The following ADARB2 variants were observed in gnomAD, a reference collection of about 807,000 sequenced individuals.
The protein encoded by ADARB2 is inactive double-stranded RNA-specific editase B2.
In ADARB2, 25 loss-of-function variants were observed where a neutral mutation model predicts 62.2. The ratio of observed to expected loss-of-function variants is 0.40; its 90% CI spans 0.29 to 0.56. The LOEUF is 0.56. Ranked by LOEUF, ADARB2 falls within the 20% of genes least tolerant of loss-of-function variation. The pLI, the probability that ADARB2 is intolerant of heterozygous loss-of-function variation, is 0.43. For missense variants in ADARB2, 1,071 were observed against 1,077.4 expected (o/e 0.99, Z 0.08); for synonymous variants, 572 against 500.8 (o/e 1.14, Z -1.90).
intron 1 of ADARB2, among the ~76,000 whole-genome samples, chr10:1,634,107 G>A (rs1427688393): frequency 6.6e-6 from 1 of 152,082 alleles, no homozygotes; most frequent in Non-Finnish European, 1.5e-5. Context: ...CCTGCCCTCT[G>A]CGCCTGTCCC....
chr10:1,732,492 G>C (rs958732305), intron 1 of ADARB2, among the ~76,000 whole-genome samples: 7 of 152,092 alleles, frequency 4.6e-5, no homozygotes, highest in South Asian at 2.1e-4. Context: ...TCCAATTACT[G>C]TTATTACATG....
chr10:1,499,337 C>G (rs111170558), intron 1 of ADARB2, among the ~76,000 whole-genome samples: 25,182 of 151,226 alleles, frequency 0.17, 2,780 homozygotes, highest in Non-Finnish European at 0.25. Context: ...CTGAATTAAC[C>G]ATTCAGTCAT....
At chr10:1,659,473 A>G (rs1323614057) in intron 1 of ADARB2, among the ~76,000 whole-genome samples, 1 of 152,260 alleles carries the variant, frequency 6.6e-6, no homozygotes, top group African/African-American at 2.4e-5. Context: ...CGATTCAGAC[A>G]GTGGGAGCGG....
At chr10:1,185,936 A>T (rs927691359) in intron 8 of ADARB2, among the ~76,000 whole-genome samples, 24 of 152,152 alleles carry the variant, frequency 1.6e-4, no homozygotes, top group Non-Finnish European at 2.5e-4. Flanking sequence ...TCTGGCTTCT[A>T]ACTGTGGCCC....
At chr10:1,297,716 C>T (rs534155903) in intron 3 of ADARB2, among the ~76,000 whole-genome samples, 14 of 152,304 alleles carry the variant, frequency 9.2e-5, no homozygotes, top group African/African-American at 2.9e-4. Context: ...AGCCTGTGTG[C>T]GCTCCTGCCA....
intron 1 of ADARB2, among the ~76,000 whole-genome samples, chr10:1,469,703 G>C (rs1302033757): frequency 6.6e-6 from 1 of 152,188 alleles, no homozygotes; most frequent in African/African-American, 2.4e-5. Flanking sequence ...TGGGCTAAGA[G>C]GAGCCAGTAA....
At chr10:1,658,716 A>G (rs1434309910) in intron 1 of ADARB2, among the ~76,000 whole-genome samples, 4 of 152,266 alleles carry the variant, frequency 2.6e-5, no homozygotes, top group Non-Finnish European at 5.9e-5. Context: ...AACTGGCATC[A>G]GAACAGAGCC....
Position 1,183,357 on chromosome 10 carries a change from T to C in ADARB2, c.2056A>G (p.Thr686Ala), listed in dbSNP as rs765372434. 6.2e-7 allele frequency: 1 copy of C among 1,612,186 alleles called. No homozygotes were observed. The highest frequency in any genetic ancestry group is 1.1e-5 in the South Asian group (1 of 91,050). Reference sequence around the variant, plus strand: ...GAGGGCGTGTCTCCAGGGCTGGGTGTCCGTGTGCTCAGCTGCGGACAAGAA... The same window carrying C: ...GAGGGCGTGTCTCCAGGGCTGGGTGCCCGTGTGCTCAGCTGCGGACAAGAA... ...ARLYGRLSTR[T>A]PSPGDTPSMY... Residue 686 changes from threonine (T) to alanine (A), a missense_variant, in exon 10 of 10, where the codon ACA becomes GCA. Thr to Ala is a moderately conservative substitution (Grantham distance 58). Transcript: ENST00000381312.
chr10:1,242,095 GTCC>G, intron 5 of ADARB2, 33 bp downstream of exon 5: 1 of 1,561,518 alleles, frequency 6.4e-7, no homozygotes, highest in Non-Finnish European at 8.7e-7. Context: ...CAGCCGCGGC[GTCC>G]GCCTTCCCTG....
Position 1,676,197 on chromosome 10 carries a change from C to T in ADARB2, c.100+60854G>A, listed in dbSNP as rs1024644161. 4 of 247,036 alleles carry T rather than the reference C, an allele frequency of 1.6e-5. No homozygotes were observed. In the East Asian group the frequency reaches 7.2e-4, roughly 44 times the overall value. The allele number at this position is 247,036 out of a possible 1,614,324, so 15.3% of individuals were successfully genotyped here. A position where few individuals can be genotyped will look rare whatever the true frequency, so the allele number is the denominator to read the frequency against. On this transcript the variant is annotated intron_variant, in intron 1 of 9. Coordinates refer to ENST00000381312, the MANE Select transcript of ADARB2 (RefSeq NM_018702.4). ...GGTAGTTGGGAAATTATTAGAGAGGCTCAAAGTCCCACTTCTGCTGCAGAA... is the reference window on the plus strand; with the variant it reads ...GGTAGTTGGGAAATTATTAGAGAGGTTCAAAGTCCCACTTCTGCTGCAGAA...
intron 1 of ADARB2, among the ~76,000 whole-genome samples, chr10:1,731,072 A>G (rs903967203): frequency 4.6e-5 from 7 of 152,240 alleles, no homozygotes; most frequent in African/African-American, 1.7e-4. Context: ...CGTTCTTCAG[A>G]AAAGTCTGCT....
intron 1 of ADARB2, among the ~76,000 whole-genome samples, chr10:1,441,357 T>C (rs1830904602): frequency 6.6e-6 from 1 of 152,272 alleles, no homozygotes; most frequent in South Asian, 2.1e-4. Flanking sequence ...ACATAAGCTT[T>C]CTAACATCTG....
chr10:1,509,187 C>T (rs1258560107), intron 1 of ADARB2, among the ~76,000 whole-genome samples: 1 of 152,150 alleles, frequency 6.6e-6, no homozygotes, highest in East Asian at 1.9e-4. Context: ...TGAATGCCAC[C>T]TCCTGGGTAA....
chr10:1,656,189 A>G lies in ADARB2; in HGVS notation c.100+80862T>C, dbSNP rs903494221. Among the ~76,000 whole-genome samples, 18 of 152,258 alleles carry G rather than the reference A, an allele frequency of 1.2e-4. 1 individual carries two copies. Among genetic ancestry groups the G allele is most frequent in the African/African-American group, 3.6e-4 (15 of 41,468 alleles). ...TAACGTAATCTTTTAAAGGTACTACATCGCCAAAATGGGCATCAATTAAAA... is the reference window on the plus strand; with the variant it reads ...TAACGTAATCTTTTAAAGGTACTACGTCGCCAAAATGGGCATCAATTAAAA... On this transcript the variant is annotated intron_variant, in intron 1 of 9. Transcript: ENST00000381312.
At chr10:1,202,440 C>T (rs1836998506) in intron 7 of ADARB2, among the ~76,000 whole-genome samples, 1 of 152,200 alleles carries the variant, frequency 6.6e-6, no homozygotes, top group South Asian at 2.1e-4. Flanking sequence ...TGGCCTCCCA[C>T]CGTGCTGGAA....
At position 1,414,423 on chromosome 10, in the gene ADARB2, T is replaced by A. The variant is rs187512792; in HGVS notation, c.101-35263A>T. On this transcript the variant is annotated intron_variant, in intron 1 of 9. Coordinates refer to ENST00000381312, the MANE Select transcript of ADARB2 (RefSeq NM_018702.4). ...CCCAGGGCATAAAATCCCTCGTGGCTTGGATAGAATCCAGGGCTCGTGGCT... is the reference window on the plus strand; with the variant it reads ...CCCAGGGCATAAAATCCCTCGTGGCATGGATAGAATCCAGGGCTCGTGGCT... Among the ~76,000 whole-genome samples, 22 of 152,334 alleles carry A rather than the reference T, an allele frequency of 1.4e-4. No individual in the cohort carries two copies. The East Asian group carries it at 3.7e-3, about 25-fold the overall frequency.
At chr10:1,446,097 T>C (rs1830965387) in intron 1 of ADARB2, among the ~76,000 whole-genome samples, 1 of 152,178 alleles carries the variant, frequency 6.6e-6, no homozygotes, top group Non-Finnish European at 1.5e-5. Context: ...GTCATTAAGT[T>C]AATGCTTTGC....
At chr10:1,274,646 C>T (rs1273550510) in intron 3 of ADARB2, among the ~76,000 whole-genome samples, 2 of 152,176 alleles carry the variant, frequency 1.3e-5, no homozygotes, top group African/African-American at 2.4e-5. Context: ...CTAGGGAGTG[C>T]TCTGTCCCCT....
chr10:1,583,929 C>T (rs1218813758), intron 1 of ADARB2, among the ~76,000 whole-genome samples: 3 of 152,196 alleles, frequency 2.0e-5, no homozygotes, highest in African/African-American at 7.2e-5. Flanking sequence ...AATAATTAGA[C>T]ATCCGCAAGC....
Sources: allele counts gnomAD v4.1 joint callset (sites outside exome capture counted in the v4.1 genomes callset), GRCh38; gene constraint gnomAD v4.1.1; transcripts MANE v1.5; gene names NCBI Gene and HGNC (gene_info 2026-07-23, HGNC 2026-07-21).